The following COP1 variants were observed in gnomAD, a reference collection of about 807,000 sequenced individuals.
The protein encoded by COP1 is COP1 E3 ubiquitin ligase, also known as E3 ubiquitin-protein ligase COP1.
In COP1, 24 loss-of-function variants were observed where a neutral mutation model predicts 101.3. That is an observed-to-expected ratio of 0.24 (90% CI 0.17 to 0.33). The LOEUF is 0.33. Ranked by LOEUF, COP1 falls within the 10% of genes least tolerant of loss-of-function variation. The pLI is 1.00. For missense variants in COP1, 663 were observed against 906.2 expected, an observed-to-expected ratio of 0.73 and a Z score of 3.45; for synonymous variants, 347 against 341.9, an observed-to-expected ratio of 1.01 and a Z score of -0.17.
At chr1:175,983,861 G>T (rs908459315) in intron 18 of COP1, among the ~76,000 whole-genome samples, 1 of 152,208 alleles carries the variant, frequency 6.6e-6, no homozygotes, top group Non-Finnish European at 1.5e-5. Context: ...CTGCCCTAGA[G>T]ATCTGTGGAA....
intron 8 of COP1, among the ~76,000 whole-genome samples, chr1:176,123,206 T>C (rs1687434889): frequency 6.6e-6 from 1 of 152,150 alleles, no homozygotes; most frequent in Non-Finnish European, 1.5e-5. Flanking sequence ...CAGAAATACT[T>C]AGAAGAAGCA....
intron 11 of COP1, among the ~76,000 whole-genome samples, chr1:176,055,350 G>A (rs7546538): frequency 0.68 from 103,874 of 152,088 alleles, 36,917 homozygotes; most frequent in East Asian, 0.92. Context: ...CAGGAGAATC[G>A]CTTAAACCCG....
intron 18 of COP1, among the ~76,000 whole-genome samples, chr1:175,964,743 C>T (rs1294228467): frequency 1.3e-5 from 2 of 152,124 alleles, no homozygotes; most frequent in Non-Finnish European, 2.9e-5. Flanking sequence ...AAATACAGCT[C>T]CCTGGAGGGC....
intron 18 of COP1, among the ~76,000 whole-genome samples, chr1:175,960,322 A>T (rs1339805609): frequency 1.3e-5 from 2 of 152,242 alleles, no homozygotes; most frequent in Non-Finnish European, 2.9e-5. Context: ...TCTGAATCTC[A>T]GTCTCCATAA....
chr1:176,206,123 C>G (rs1289950335), intron 1 of COP1, among the ~76,000 whole-genome samples: 2 of 152,170 alleles, frequency 1.3e-5, no homozygotes, highest in African/African-American at 4.8e-5. Context: ...TTGACCAACT[C>G]CACCCCTCTG....
rs528453881 is a variant in COP1, at chr1:176,059,532, G to T, written c.1278-13208C>A. Among the ~76,000 whole-genome samples the T allele has an allele frequency of 4.3e-4, 66 of 151,884 alleles. 2 individuals are homozygous for T. The South Asian group carries it at 0.013, about 30-fold the overall frequency. On this transcript the variant is annotated intron_variant, in intron 11 of 19. Coordinates refer to ENST00000367669, the MANE Select transcript of COP1 (RefSeq NM_022457.7). Reference sequence around the variant, plus strand: ...GAGTCTCACTCTGTTGCCCAGGCTGGACTGTGATGGTGTGATCTCAGCTCA... The same window carrying T: ...GAGTCTCACTCTGTTGCCCAGGCTGTACTGTGATGGTGTGATCTCAGCTCA...
At position 176,169,719 on chromosome 1, in the gene COP1, T is replaced by C. The variant is rs1695748442; in HGVS notation, c.566-5828A>G. On this transcript the variant is annotated intron_variant, in intron 3 of 19. Transcript: ENST00000367669. ...CTCCATGTTGACGGCTGCTGACTGA[T>C]CAGGGTGGTAGTCACTGAAGTCTAG... is the stretch of plus-strand genomic sequence containing the variant. Among the ~76,000 whole-genome samples, 4 of 152,200 alleles carry C rather than the reference T, an allele frequency of 2.6e-5. No individual in the cohort carries two copies. In the South Asian group the frequency reaches 8.3e-4, roughly 32 times the overall value.
chr1:176,084,261 G>A (rs866353739), intron 10 of COP1, among the ~76,000 whole-genome samples: 2 of 152,132 alleles, frequency 1.3e-5, no homozygotes, highest in South Asian at 2.1e-4. Flanking sequence ...GAGCCACTGC[G>A]CCCGGACTGA....
At chr1:176,099,505 G>C (rs940422031) in intron 9 of COP1, among the ~76,000 whole-genome samples, 37 of 143,902 alleles carry the variant, frequency 2.6e-4, no homozygotes, top group African/African-American at 9.2e-4. Flanking sequence ...GAGCATATTT[G>C]TCTCTCTCTC....
intron 11 of COP1, among the ~76,000 whole-genome samples, chr1:176,054,887 T>G (rs753070213): frequency 8.5e-5 from 13 of 152,174 alleles, no homozygotes; most frequent in Non-Finnish European, 1.9e-4. Flanking sequence ...CCATAACCTC[T>G]CCTCTCGTTC....
intron 15 of COP1, among the ~76,000 whole-genome samples, chr1:176,001,386 A>G (rs1311450029): frequency 1.3e-5 from 2 of 152,150 alleles, no homozygotes; most frequent in Non-Finnish European, 1.5e-5. Flanking sequence ...TGAGTATAGT[A>G]ATTCTCTGTC....
intron 5 of COP1, among the ~76,000 whole-genome samples, chr1:176,153,432 T>G (rs1219129384): frequency 6.6e-6 from 1 of 152,208 alleles, no homozygotes; most frequent in African/African-American, 2.4e-5. Flanking sequence ...TTCTGTACAT[T>G]GATTTTGTAT....
intron 3 of COP1, among the ~76,000 whole-genome samples, chr1:176,167,692 G>T (rs1257161510): frequency 1.3e-5 from 2 of 152,130 alleles, no homozygotes; most frequent in Middle Eastern, 3.2e-3. Flanking sequence ...CTCCATTCAA[G>T]CAACGGTCTT....
At chr1:176,118,661 T>C (rs1686603353) in intron 8 of COP1, among the ~76,000 whole-genome samples, 1 of 151,990 alleles carries the variant, frequency 6.6e-6, no homozygotes, top group South Asian at 2.1e-4. Flanking sequence ...GAGGGTGAGG[T>C]AGGAAGATCA....
At chr1:176,003,400 G>A (rs1160122392) in intron 15 of COP1, among the ~76,000 whole-genome samples, 1 of 151,780 alleles carries the variant, frequency 6.6e-6, no homozygotes, top group Non-Finnish European at 1.5e-5. Flanking sequence ...ATTGCTTTTG[G>A]TGTTTTAGAC....
intron 8 of COP1, among the ~76,000 whole-genome samples, chr1:176,117,738 T>TA (rs1369797293): frequency 4.0e-5 from 6 of 151,824 alleles, no homozygotes; most frequent in East Asian, 1.9e-4. Context: ...CTACTAAAAG[T>TA]AAAAAAATTA....
rs867202467 is a variant in COP1 at position 175,992,421 on chromosome 1, C to T, written c.1730-2942G>A. On this transcript the variant is annotated intron_variant, in intron 15 of 19. Coordinates refer to ENST00000367669, the MANE Select transcript of COP1 (RefSeq NM_022457.7). ...AGGAGAGTGGGTGCAGCGCACCGTG[C>T]GCGAGCCAAAGCAGGGTGAGGCATT... Among the ~76,000 whole-genome samples, 11 of 152,134 alleles carry T rather than the reference C, an allele frequency of 7.2e-5. 1 individual carries two copies. The highest frequency in any genetic ancestry group is 2.1e-4 in the South Asian group (1 of 4,826).
chr1:175,969,935 C>T (rs540620725), intron 18 of COP1, among the ~76,000 whole-genome samples: 1 of 152,050 alleles, frequency 6.6e-6, no homozygotes, highest in Non-Finnish European at 1.5e-5. Flanking sequence ...AGTAATAATA[C>T]TAGTGTATTA....
intron 15 of COP1, among the ~76,000 whole-genome samples, chr1:176,021,986 TAGAA>T (rs1490899757): frequency 1.3e-5 from 2 of 152,364 alleles, no homozygotes; most frequent in South Asian, 2.1e-4. Context: ...TTTTCTATCA[TAGAA>T]AGATCTATAA....
Sources: gnomAD v4.1 joint callset for allele counts (sites outside exome capture counted in the v4.1 genomes callset) on GRCh38, gnomAD v4.1.1 for gene constraint, MANE v1.5 for transcripts, NCBI Gene and HGNC (gene_info 2026-07-23, HGNC 2026-07-21) for gene names.